Variants in FHL2 observed in about 807,000 individuals in gnomAD.
FHL2 encodes the protein four and a half LIM domains 2, also known as four and a half LIM domains protein 2.
FHL2 carries 20 observed loss-of-function variants against 32.7 expected under a neutral mutation model. The observed-to-expected ratio is 0.61, with a 90% CI of 0.43 to 0.89. The LOEUF (loss-of-function observed/expected upper bound fraction) is 0.89, where lower values mean the gene tolerates loss of function less well. Among genes scored for constraint, FHL2 ranks in the 40% least tolerant of loss-of-function variants. The pLI, the probability that FHL2 is intolerant of heterozygous loss-of-function variation, is 0.00. For missense variants in FHL2, 311 were observed against 358.6 expected (o/e 0.87, Z 1.07); for synonymous variants, 123 against 128.1 (o/e 0.96, Z 0.27).
At chr2:105,366,002 C>G (rs542927971) in intron 5 of FHL2, among the ~76,000 whole-genome samples, 1 of 151,756 alleles carries the variant, frequency 6.6e-6, no homozygotes, top group Non-Finnish European at 1.5e-5. Flanking sequence ...GTCAGGAGTT[C>G]CGAGATCAGC....
At chr2:105,430,189 G>A (rs112281630) in intron 1 of FHL2, among the ~76,000 whole-genome samples, 8 of 152,324 alleles carry the variant, frequency 5.3e-5, no homozygotes, top group African/African-American at 1.4e-4. Flanking sequence ...GATAGGCATC[G>A]TTGGGGCTTA....
chr2:105,374,150 G>A (rs1254110935), intron 3 of FHL2: 1 of 259,130 alleles, frequency 3.9e-6, no homozygotes, highest in South Asian at 4.8e-5. Context: ...AGATCACTGT[G>A]GTCACCGGCA....
chr2:105,365,781 G>T (rs549234056), intron 5 of FHL2, among the ~76,000 whole-genome samples: 1 of 152,078 alleles, frequency 6.6e-6, no homozygotes, highest in East Asian at 1.9e-4. Flanking sequence ...GAAAGCAGAG[G>T]TTGCAGTGAG....
intron 1 of FHL2, among the ~76,000 whole-genome samples, chr2:105,409,334 C>T (rs539684521): frequency 6.6e-6 from 1 of 152,076 alleles, no homozygotes; most frequent in Non-Finnish European, 1.5e-5. Context: ...TTCTGGGAGT[C>T]GGGAATCATT....
intron 1 of FHL2, among the ~76,000 whole-genome samples, chr2:105,412,496 G>A (rs1475705672): frequency 6.6e-6 from 1 of 152,216 alleles, no homozygotes; most frequent in Non-Finnish European, 1.5e-5. Flanking sequence ...ACTTGTAGAA[G>A]GATGAGATTC....
intron 3 of FHL2, among the ~76,000 whole-genome samples, chr2:105,381,324 G>A (rs1681868597): frequency 6.6e-6 from 1 of 152,134 alleles, no homozygotes; most frequent in Non-Finnish European, 1.5e-5. Context: ...GCACTGTGTT[G>A]GCATGTCACA....
At chr2:105,407,516 G>A (rs564015469) in intron 1 of FHL2, among the ~76,000 whole-genome samples, 2 of 151,620 alleles carry the variant, frequency 1.3e-5, no homozygotes, top group South Asian at 2.1e-4. Context: ...TTAGGCAGTC[G>A]AGTTATCTGG....
At chr2:105,379,356 T>C (rs1458323184) in intron 3 of FHL2, among the ~76,000 whole-genome samples, 2 of 152,190 alleles carry the variant, frequency 1.3e-5, no homozygotes, top group African/African-American at 4.8e-5. Flanking sequence ...TGAACCTACA[T>C]TTCCTTATGA....
upstream of FHL2, chr2:105,399,620 G>C: frequency 6.6e-7 from 1 of 1,520,612 alleles, no homozygotes; most frequent in Middle Eastern, 1.8e-4. Flanking sequence ...GGGGCCAGAA[G>C]ACTAGTTAGA....
intron 1 of FHL2, among the ~76,000 whole-genome samples, chr2:105,433,508 C>A (rs907800173): frequency 1.3e-5 from 2 of 152,110 alleles, no homozygotes; most frequent in Admixed American, 6.5e-5. Context: ...GTCCTTTCTC[C>A]GTTGTGGAGA....
intron 3 of FHL2, among the ~76,000 whole-genome samples, chr2:105,380,392 A>G (rs1256661259): frequency 6.6e-6 from 1 of 152,042 alleles, no homozygotes; most frequent in African/African-American, 2.4e-5. Context: ...CTGTCTGTCT[A>G]TCTATCATCT....
rs553119913 is a variant in FHL2, at chr2:105,419,658, C to A, written c.-25+18741G>T. ...TCCTAGAAGCCCAGGTTGCTTTTTG[C>A]TTGTTTTGTTACTTCTCTGCAAATT... On this transcript the variant is annotated intron_variant, in intron 1 of 5. Coordinates refer to the FHL2 transcript ENST00000393352. Among the ~76,000 whole-genome samples, 4 of 152,226 alleles carry A rather than the reference C, an allele frequency of 2.6e-5. No individual in the cohort carries two copies. In the South Asian group the frequency reaches 8.3e-4, roughly 32 times the overall value.
intron 1 of FHL2, among the ~76,000 whole-genome samples, chr2:105,406,897 C>G (rs1267592717): frequency 3.3e-5 from 5 of 152,142 alleles, no homozygotes; most frequent in Non-Finnish European, 7.4e-5. Flanking sequence ...TATCCTTAGA[C>G]CAAATAAGGT....
chr2:105,366,340 T>C (rs753564808), intron 5 of FHL2, among the ~76,000 whole-genome samples: 8 of 152,052 alleles, frequency 5.3e-5, no homozygotes, highest in Admixed American at 1.3e-4. Context: ...GGTAGCAGCA[T>C]TGGGGATGTT....
chr2:105,368,701 C>T (rs1352650381), intron 4 of FHL2, among the ~76,000 whole-genome samples: 2 of 152,192 alleles, frequency 1.3e-5, no homozygotes, highest in African/African-American at 4.8e-5. Context: ...TGTTGACTGA[C>T]ATTTTTTCAT....
intron 3 of FHL2, 50 bp downstream of exon 3, chr2:105,386,311 C>G (rs375403307): frequency 3.1e-6 from 5 of 1,592,830 alleles, no homozygotes; most frequent in Non-Finnish European, 4.3e-6. Flanking sequence ...CAGAGAAACC[C>G]GTGTTTCCTA....
intron 2 of FHL2, among the ~76,000 whole-genome samples, chr2:105,387,860 G>A (rs111585670): frequency 3.9e-5 from 6 of 152,278 alleles, no homozygotes; most frequent in African/African-American, 1.4e-4. Context: ...CAACCTAAAT[G>A]CCCAGCGATG....
At chr2:105,415,653 A>G (rs1460988650) in intron 1 of FHL2, among the ~76,000 whole-genome samples, 4 of 152,234 alleles carry the variant, frequency 2.6e-5, no homozygotes, top group Non-Finnish European at 5.9e-5. Context: ...TCTGAAAATC[A>G]CATTAAAATG....
chr2:105,392,812 CTTTTTTTTT>C (rs34774107), intron 2 of FHL2, among the ~76,000 whole-genome samples: 1 of 65,970 alleles, frequency 1.5e-5, no homozygotes, highest in Admixed American at 2.3e-4. Flanking sequence ...TGCCAGGAAG[CTTTTTTTTT>C]TTTTTTTTTT....
Sources: allele counts gnomAD v4.1 joint callset (sites outside exome capture counted in the v4.1 genomes callset), GRCh38; gene constraint gnomAD v4.1.1; transcripts MANE v1.5; gene names NCBI Gene and HGNC (gene_info 2026-07-23, HGNC 2026-07-21).